The following RNF130 variants were observed in gnomAD, a reference collection of about 807,000 sequenced individuals.
RNF130 encodes E3 ubiquitin-protein ligase RNF130.
A neutral mutation model predicts 44.6 loss-of-function variants in RNF130; 21 were observed. That is an observed-to-expected ratio of 0.47 (90% CI 0.33 to 0.68). The LOEUF is 0.68. RNF130 is among the 30% of genes least tolerant of loss of function. The pLI, the probability that RNF130 is intolerant of heterozygous loss-of-function variation, is 0.02. For synonymous variants in RNF130, 214 were observed against 210.4 expected (o/e 1.02, Z -0.15); for missense variants, 479 against 560.6 (o/e 0.85, Z 1.47).
chr5:179,991,752 CTAT>C (rs1413453953), intron 3 of RNF130, among the ~76,000 whole-genome samples: 1 of 151,900 alleles, frequency 6.6e-6, no homozygotes, highest in Non-Finnish European at 1.5e-5. Context: ...CCCTTTATTT[CTAT>C]TATTATTAAA....
At chr5:179,974,960 T>A (rs1762684932) in intron 5 of RNF130, among the ~76,000 whole-genome samples, 1 of 152,252 alleles carries the variant, frequency 6.6e-6, no homozygotes, top group Non-Finnish European at 1.5e-5. Context: ...GAAGCGGTCC[T>A]CTGAGAGTGA....
chr5:179,950,048 T>C (rs1017249449), intron 7 of RNF130, among the ~76,000 whole-genome samples: 1 of 152,220 alleles, frequency 6.6e-6, no homozygotes, highest in African/African-American at 2.4e-5. Flanking sequence ...GCAAACTCTA[T>C]ACTTAATGAT....
At chr5:180,013,810 C>T (rs1427642466) in intron 2 of RNF130, among the ~76,000 whole-genome samples, 1 of 152,050 alleles carries the variant, frequency 6.6e-6, no homozygotes, top group Non-Finnish European at 1.5e-5. Context: ...CATGGAGTAC[C>T]CACTGTCTGT....
chr5:179,948,926 C>T (rs1762085080), intron 7 of RNF130, among the ~76,000 whole-genome samples: 1 of 151,186 alleles, frequency 6.6e-6, no homozygotes, highest in African/African-American at 2.4e-5. Context: ...TTCTTATCAA[C>T]TTCTGACCAA....
rs1016561889 is a variant in RNF130 at position 179,957,223 on chromosome 5, C to T, written c.1245-1554G>A. ...GGTCAGGAGTTTGAGACCAGCCTGG[C>T]CCACATGGCAAAACCCCATCTCTAC... On this transcript the variant is annotated intron_variant, in intron 8 of 8. Transcript: ENST00000521389. Among the ~76,000 whole-genome samples, 7 of 152,074 alleles carry T rather than the reference C, an allele frequency of 4.6e-5. No homozygotes were observed. In the East Asian group the frequency reaches 1.4e-3, roughly 29 times the overall value.
At chr5:180,008,944 A>G (rs1379678374) in intron 3 of RNF130, among the ~76,000 whole-genome samples, 1 of 152,164 alleles carries the variant, frequency 6.6e-6, no homozygotes, top group African/African-American at 2.4e-5. Flanking sequence ...CATACTTCTC[A>G]GTAATGTATG....
intron 6 of RNF130, 152 bp downstream of exon 6, chr5:179,970,258 T>C: frequency 5.5e-6 from 3 of 540,796 alleles, no homozygotes; most frequent in Non-Finnish European, 9.8e-6. Flanking sequence ...GGTAAAAAGG[T>C]CCTGTTGGGC....
At chr5:179,952,952 C>T (rs369859727), downstream of RNF130, among the ~76,000 whole-genome samples, 9 of 152,040 alleles carry the variant, frequency 5.9e-5, no homozygotes, top group African/African-American at 2.2e-4. Flanking sequence ...TGTCTGTTTG[C>T]ACCATTTCTA....
chr5:180,052,589 C>T (rs79221887), intron 1 of RNF130, among the ~76,000 whole-genome samples: 2,167 of 152,294 alleles, frequency 0.014, 52 homozygotes, highest in African/African-American at 0.048. Context: ...TGACTCGATG[C>T]AATGACAGTA....
chr5:179,961,389 C>CTAA (rs1376682153), intron 8 of RNF130, among the ~76,000 whole-genome samples: 1 of 152,160 alleles, frequency 6.6e-6, no homozygotes. Flanking sequence ...AAGGGTTGAA[C>CTAA]TAAGTAAGGC....
chr5:180,067,378 T>G (rs1582236923), intron 1 of RNF130, among the ~76,000 whole-genome samples: 1 of 152,090 alleles, frequency 6.6e-6, no homozygotes, highest in African/African-American at 2.4e-5. Context: ...TTCATCAAAA[T>G]CACTGGCACG....
intron 1 of RNF130, among the ~76,000 whole-genome samples, chr5:180,042,059 A>G (rs890305800): frequency 2.0e-5 from 3 of 152,210 alleles, no homozygotes; most frequent in Non-Finnish European, 4.4e-5. Context: ...AATCATAAAA[A>G]CATGAAGTAT....
chr5:180,007,041 G>C (rs1240379087), intron 3 of RNF130, among the ~76,000 whole-genome samples: 3 of 152,182 alleles, frequency 2.0e-5, no homozygotes, highest in Admixed American at 6.5e-5. Flanking sequence ...ACTATGCTTA[G>C]AAAGTTATTT....
chr5:180,060,830 G>C (rs2113179964), intron 1 of RNF130, among the ~76,000 whole-genome samples: 1 of 152,240 alleles, frequency 6.6e-6, no homozygotes, highest in South Asian at 2.1e-4. Flanking sequence ...AGCACTTTGG[G>C]AGGCCGAGGT....
rs1764826111 is a variant in RNF130 at position 180,056,429 on chromosome 5, A to G, written c.247+15027T>C. 2.0e-5 allele frequency among the ~76,000 whole-genome samples: 3 copies of G among 152,300 alleles called. No homozygotes were observed. In the South Asian group the frequency reaches 6.2e-4, roughly 32 times the overall value. On this transcript the variant is annotated intron_variant, in intron 1 of 8. Transcript: ENST00000521389. ...ACAGGTGTGGAGAGAAACAGACCACATTTTAGAGATATTTAGGAGTTTGGA... is the reference window on the plus strand; with the variant it reads ...ACAGGTGTGGAGAGAAACAGACCACGTTTTAGAGATATTTAGGAGTTTGGA...
intron 2 of RNF130, among the ~76,000 whole-genome samples, chr5:180,030,858 A>G (rs1170485212): frequency 6.6e-6 from 1 of 152,224 alleles, no homozygotes; most frequent in Non-Finnish European, 1.5e-5. Context: ...ATGTGTCAAG[A>G]GTTAATTCCA....
At chr5:180,016,854 A>G (rs1384396403) in intron 2 of RNF130, among the ~76,000 whole-genome samples, 1 of 152,238 alleles carries the variant, frequency 6.6e-6, no homozygotes, top group Non-Finnish European at 1.5e-5. Context: ...AGTAAACTGC[A>G]AACACATGAC....
chr5:180,000,356 T>C (rs758990573), intron 3 of RNF130, among the ~76,000 whole-genome samples: 2 of 152,240 alleles, frequency 1.3e-5, no homozygotes, highest in Non-Finnish European at 2.9e-5. Flanking sequence ...ACAATTTGAC[T>C]GTAATGTGAC....
At chr5:180,034,756 G>C (rs981196914) in intron 2 of RNF130, among the ~76,000 whole-genome samples, 3 of 152,214 alleles carry the variant, frequency 2.0e-5, no homozygotes, top group Non-Finnish European at 2.9e-5. Flanking sequence ...GTGACTCACT[G>C]TGAGTGTGAC....
Sources: gnomAD v4.1 joint callset for allele counts (sites outside exome capture counted in the v4.1 genomes callset) on GRCh38, gnomAD v4.1.1 for gene constraint, MANE v1.5 for transcripts, NCBI Gene and HGNC (gene_info 2026-07-23, HGNC 2026-07-21) for gene names.